The following KRI1 variants were observed in gnomAD, a reference collection of about 807,000 sequenced individuals.
KRI1 encodes the protein protein KRI1 homolog.
In KRI1, 83 loss-of-function variants were observed where a neutral mutation model predicts 97.0. The ratio of observed to expected loss-of-function variants is 0.86; its 90% CI spans 0.72 to 1.03. The LOEUF is 1.03. Ranked by LOEUF, KRI1 falls within the 50% of genes least tolerant of loss-of-function variation. The pLI is 0.00. For synonymous variants in KRI1, 371 were observed against 363.5 expected (o/e 1.02, Z -0.23); for missense variants, 916 against 928.4 (o/e 0.99, Z 0.17).
chr19:10,565,795 G>C lies in KRI1; in HGVS notation c.95-5C>G. The C allele has an allele frequency of 6.4e-7, 1 of 1,559,636 alleles. No homozygotes were observed. The highest frequency in any genetic ancestry group is 8.7e-7 in the Non-Finnish European group (1 of 1,154,060). On this transcript the variant is annotated splice_polypyrimidine_tract_variant and splice_region_variant and intron_variant, in intron 1 of 18. Transcript: ENST00000312962. ...GGTCCCCGTAGCGATCCTTCACTGC[G>C]GGACACAGACGGGATGCCCCCCCCC...
chr19:10,554,115 T>A lies in KRI1; in HGVS notation c.1948A>T (p.Arg650Trp). 6.2e-7 allele frequency: 1 copy of A among 1,614,166 alleles called. No individual in the cohort carries two copies. Among genetic ancestry groups the A allele is most frequent in the Non-Finnish European group, 8.5e-7 (1 of 1,180,028 alleles). Residue 650 changes from arginine (R) to tryptophan (W), a missense_variant, in exon 19 of 19, where the codon AGG becomes TGG. Physicochemically the swap from Arg to Trp is moderately radical, Grantham distance 101. Transcript: ENST00000312962. ...PHKKPAPQKR[R>W]RAKKARLLGP... is the part of the protein sequence containing the mutation. Reference sequence around the variant, plus strand: ...AGCAGCCGTGCCTTCTTGGCCCTCCTCCGCTTCTGGGGGGCTGGCTTCTTG... The same window carrying A: ...AGCAGCCGTGCCTTCTTGGCCCTCCACCGCTTCTGGGGGGCTGGCTTCTTG...
chr19:10,557,727 G>T, intron 15 of KRI1, 42 bp downstream of exon 15: 1 of 1,614,028 alleles, frequency 6.2e-7, no homozygotes, highest in Non-Finnish European at 8.5e-7. Context: ...CAGGCCCCGC[G>T]GTGCCCCCTG....
In KRI1 at chr19:10,561,816, C is replaced by G; in HGVS notation, c.413G>C (p.Gly138Ala). 6.2e-7 allele frequency: 1 copy of G among 1,613,968 alleles called. No individual in the cohort carries two copies. Among genetic ancestry groups the G allele is most frequent in the Non-Finnish European group, 8.5e-7 (1 of 1,179,930 alleles). Residue 138 changes from glycine to alanine, a missense_variant, in exon 5 of 19, where the codon GGG becomes GCG. By Grantham distance (60) the Gly-to-Ala change is moderately conservative. Coordinates refer to ENST00000312962, the MANE Select transcript of KRI1 (RefSeq NM_023008.5). ...CTGGAGTCTGTGATTGGAAGTCTCC[C>G]CGTCTGAGTTCTCCTCATCAACATA... is the stretch of plus-strand genomic sequence containing the variant. ...GKYVDEENSD[G>A]ETSNHRLQET...
At chr19:10,565,874 C>CGG (rs1207027775) in intron 1 of KRI1, 32 bp downstream of exon 1, 5 of 1,533,688 alleles carry the variant, frequency 3.3e-6, no homozygotes, top group Non-Finnish European at 4.4e-6. Context: ...CCGGCGCGCG[C>CGG]AGGCTCCCGC....
Position 10,553,327 on chromosome 19 carries a change from G to T in KRI1, c.*624C>A. ...CCCCTCAGGGCCTGACTCACGTACT[G>T]TAGTTTGCACTGGACGCCCGGGCCC... On this transcript the variant is annotated 3_prime_UTR_variant, in exon 19 of 19. Transcript: ENST00000312962. 2.2e-6 allele frequency: 1 copy of T among 448,436 alleles called. No homozygotes were observed. The highest frequency in any genetic ancestry group is 4.0e-6 in the Non-Finnish European group (1 of 249,188). 27.8% of individuals were successfully genotyped at this position (448,436 alleles called of 1,614,324 possible).
chr19:10,564,186 C>T (rs1237427097), intron 3 of KRI1, among the ~76,000 whole-genome samples: 4 of 150,964 alleles, frequency 2.6e-5, no homozygotes, highest in East Asian at 2.0e-4. Flanking sequence ...GCTGGCTGGG[C>T]GCAGTGGCTC....
chr19:10,559,974 AAGTGAGGTCG>A (rs765018896), intron 9 of KRI1, 38 bp from the exon 10 acceptor site: 1 of 1,601,006 alleles, frequency 6.2e-7, no homozygotes, highest in South Asian at 1.1e-5. Context: ...GGGGCCAGCC[AAGTGAGGTCG>A]AGCCCCCCTT....
chr19:10,565,860 C>CAAA (rs1251791863), intron 1 of KRI1, 46 bp downstream of exon 1: 2 of 1,536,916 alleles, frequency 1.3e-6, no homozygotes, highest in African/African-American at 2.8e-5. Context: ...CACTTCCCAA[C>CAAA]CGGCCGGCGC....
chr19:10,562,459 C>T (rs1248676363), intron 4 of KRI1, among the ~76,000 whole-genome samples: 13 of 152,060 alleles, frequency 8.5e-5, no homozygotes, highest in Admixed American at 8.5e-4. Context: ...CTGCCTCAGC[C>T]TCCTGAGTAG....
rs765670732 is a variant in KRI1, at chr19:10,554,266, C to T, written c.1797G>A (p.Ala599=). 11 of 1,613,718 alleles carry T rather than the reference C, an allele frequency of 6.8e-6. No individual in the cohort carries two copies. Among genetic ancestry groups the T allele is most frequent in the Middle Eastern group, 1.6e-4 (1 of 6,084 alleles). The stretch of plus-strand genomic sequence containing the variant: ...CTCTCTGTGGCTTCCCTGTGGCTTC[C>T]GCAGGTGTCTCTGCCCTGAGGGAGA... ...SLCREEAETP[A]EATGKPQRDE... is the part of the protein sequence containing the mutation. Residue 599 remains alanine (A), a synonymous_variant, in exon 19 of 19, where the codon GCG becomes GCA. Coordinates refer to ENST00000312962, the MANE Select transcript of KRI1 (RefSeq NM_023008.5).
At position 10,559,543 on chromosome 19, in the gene KRI1, C is replaced by A; in HGVS notation, c.1024-14G>T. ...CTTTGCTTTCTCCTGCAGGCCCAGG[C>A]AGAGAGGGGGAGGGCATGGGCTTTC... On this transcript the variant is annotated splice_polypyrimidine_tract_variant and intron_variant, in intron 11 of 18. Transcript: ENST00000312962. 2 of 1,613,936 alleles carry A rather than the reference C, an allele frequency of 1.2e-6. No homozygotes were observed. Among genetic ancestry groups the A allele is most frequent in the African/African-American group, 2.7e-5 (2 of 75,026 alleles).
In KRI1 at chr19:10,561,087, G is replaced by C; in HGVS notation, c.586-7C>G. 3 of 1,614,032 alleles carry C rather than the reference G, an allele frequency of 1.9e-6. No individual in the cohort carries two copies. On this transcript the variant is annotated splice_polypyrimidine_tract_variant and splice_region_variant and intron_variant, in intron 7 of 18. Coordinates refer to ENST00000312962, the MANE Select transcript of KRI1 (RefSeq NM_023008.5). ...AGTCGGCCTCCTCCTGGGCCTGGGG[G>C]AAAGCTAGCACTGAGCATCCGCAGA... is the stretch of plus-strand genomic sequence containing the variant.
chr19:10,557,935 C>A (rs200820597), intron 14 of KRI1, 37 bp downstream of exon 14: 576 of 1,613,884 alleles, frequency 3.6e-4, no homozygotes, highest in Non-Finnish European at 4.7e-4. Context: ...AGCCCCCCGT[C>A]AGGGCCCCTG....
chr19:10,562,928 G>A, intron 3 of KRI1, 91 bp from the exon 4 acceptor site: 1 of 786,264 alleles, frequency 1.3e-6, no homozygotes, highest in Non-Finnish European at 2.2e-6. Flanking sequence ...GGGTTAGACA[G>A]AGGATTCAAA....
Position 10,565,914 on chromosome 19 carries a change from A to T in KRI1, c.86T>A (p.Leu29Gln). The T allele has an allele frequency of 6.5e-7, 1 of 1,534,030 alleles. No individual in the cohort carries two copies. Among genetic ancestry groups the T allele is most frequent in the Non-Finnish European group, 8.8e-7 (1 of 1,140,238 alleles). The change falls in exon 1 of 19, where the codon CTG (leucine) becomes CAG (glutamine). Residue 29 changes from leucine (L) to glutamine (Q), a missense_variant. Physicochemically the swap from Leu to Gln is moderately radical, Grantham distance 113 (BLOSUM62 -2). Transcript: ENST00000312962. Reference sequence around the variant, plus strand: ...ATGCGCCCCGCACTCACGCCGCTGCAGTTCCTCGCGCTCCCGGTAGCGGTT... The same window carrying T: ...ATGCGCCCCGCACTCACGCCGCTGCTGTTCCTCGCGCTCCCGGTAGCGGTT... ...RYNRYREREELQRLKDRYGDR... is the reference protein window; with the variant it reads ...RYNRYREREEQQRLKDRYGDR...
At position 10,564,353 on chromosome 19, in the gene KRI1, A is replaced by G. The variant is rs530861105; in HGVS notation, c.274+576T>C. ...CGCGTGCCTGTAATTCCAGCTACTC[A>G]GGAGGCTGAGGCAGGAGAATCGCTT... On this transcript the variant is annotated intron_variant, in intron 3 of 18. Transcript: ENST00000312962. Among the ~76,000 whole-genome samples, 581 of 150,486 alleles carry G rather than the reference A, an allele frequency of 3.9e-3. 2 individuals are homozygous for G. Among genetic ancestry groups the G allele is most frequent in the Non-Finnish European group, 4.8e-3 (328 of 67,658 alleles).
intron 3 of KRI1, among the ~76,000 whole-genome samples, chr19:10,564,191 T>C (rs931080280): frequency 1.2e-4 from 18 of 150,342 alleles, no homozygotes; most frequent in Non-Finnish European, 2.5e-4. Context: ...CTGGGCGCAG[T>C]GGCTCACGCC....
chr19:10,554,008 G>T lies in KRI1; in HGVS notation c.2055C>A (p.His685Gln). Residue 685 changes from histidine (H) to glutamine (Q), a missense_variant, in exon 19 of 19, where the codon CAC becomes CAA. His to Gln is a conservative substitution (Grantham distance 24, BLOSUM62 0). Around this residue, in one of 3 missense-constraint regions of KRI1, gnomAD observed 672 missense variants for 667.2 expected, o/e 1.01. Transcript: ENST00000312962. ...QAFGLNPKRL[H>Q]FRQLGRQRRK... ...TCCGCTGCCGGCCCAGCTGGCGGAA[G>T]TGCAGCCGTTTGGGGTTGAGGCCAA... 6.2e-7 allele frequency: 1 copy of T among 1,613,516 alleles called. No homozygotes were observed. The highest frequency in any genetic ancestry group is 1.1e-5 in the South Asian group (1 of 91,052).
chr19:10,561,423 G>A (rs894679939), intron 6 of KRI1, among the ~76,000 whole-genome samples, 158 bp from the exon 7 acceptor site: 1 of 152,052 alleles, frequency 6.6e-6, no homozygotes, highest in African/African-American at 2.4e-5. Flanking sequence ...GCCCACCAAA[G>A]CCCTGAGATT....
Sources: gnomAD v4.1 joint callset for allele counts (sites outside exome capture counted in the v4.1 genomes callset) on GRCh38, gnomAD v4.1.1 for gene constraint, gnomAD v4.1.1 regional missense constraint, MANE v1.5 for transcripts, NCBI Gene and HGNC (gene_info 2026-07-23, HGNC 2026-07-21) for gene names.